The following DPF3 variants were observed in gnomAD, a reference collection of about 807,000 sequenced individuals.
DPF3 encodes the protein zinc finger protein DPF3.
A neutral mutation model predicts 56.8 loss-of-function variants in DPF3; 18 were observed. That is an observed-to-expected ratio of 0.32 (90% CI 0.22 to 0.47). The LOEUF (loss-of-function observed/expected upper bound fraction) is 0.47, where lower values mean the gene tolerates loss of function less well. Ranked by LOEUF, DPF3 falls within the 20% of genes least tolerant of loss-of-function variation. The pLI, the probability that DPF3 is intolerant of heterozygous loss-of-function variation, is 1.00. For missense variants in DPF3, 403 were observed against 488.8 expected, an observed-to-expected ratio of 0.82 and a Z score of 1.65; for synonymous variants, 188 against 180.2, an observed-to-expected ratio of 1.04 and a Z score of -0.35.
At chr14:72,745,510 A>G (rs1021197463) in intron 3 of DPF3, among the ~76,000 whole-genome samples, 6 of 152,344 alleles carry the variant, frequency 3.9e-5, no homozygotes, top group African/African-American at 1.4e-4. Flanking sequence ...CATTTATAGA[A>G]TAAGTTCCTA....
intron 8 of DPF3, among the ~76,000 whole-genome samples, chr14:72,633,621 A>G (rs569887729): frequency 6.6e-6 from 1 of 152,294 alleles, no homozygotes; most frequent in African/African-American, 2.4e-5. Flanking sequence ...TCCTTGCTCA[A>G]TAAAGACCCC....
At chr14:72,872,470 T>C (rs1349544593) in intron 1 of DPF3, among the ~76,000 whole-genome samples, 1 of 152,244 alleles carries the variant, frequency 6.6e-6, no homozygotes, top group Non-Finnish European at 1.5e-5. Flanking sequence ...TAAAACTGAA[T>C]GCCTTTAACA....
At chr14:72,886,318 G>C (rs1456706488) in intron 1 of DPF3, among the ~76,000 whole-genome samples, 1 of 152,152 alleles carries the variant, frequency 6.6e-6, no homozygotes. Flanking sequence ...GTTGCAGTGA[G>C]CCAAGATCGC....
chr14:72,680,169 C>T (rs1887099209), intron 7 of DPF3, among the ~76,000 whole-genome samples: 1 of 152,170 alleles, frequency 6.6e-6, no homozygotes, highest in Admixed American at 6.5e-5. Context: ...GCATCAAAGC[C>T]GGGATAAATG....
intron 1 of DPF3, among the ~76,000 whole-genome samples, chr14:72,780,406 A>G (rs1292080015): frequency 2.0e-5 from 3 of 152,238 alleles, no homozygotes; most frequent in Non-Finnish European, 2.9e-5. Context: ...ACAGGAACTG[A>G]GAGCTATGTG....
chr14:72,711,448 G>A (rs1888648449), intron 6 of DPF3, among the ~76,000 whole-genome samples: 1 of 152,158 alleles, frequency 6.6e-6, no homozygotes, highest in South Asian at 2.1e-4. Context: ...GAGAGGCATC[G>A]ACACCGAGGC....
Position 72,612,671 on chromosome 14 carries a change from C to T in DPF3, c.*6626G>A. The T allele has an allele frequency of 2.0e-6, 1 of 505,720 alleles. No homozygotes were observed. Among genetic ancestry groups the T allele is most frequent in the African/African-American group, 1.9e-5 (1 of 51,738 alleles). The allele number at this position is 505,720 out of a possible 1,614,324, so 31.3% of individuals were successfully genotyped here. A position where few individuals can be genotyped will look rare whatever the true frequency, so the allele number is the denominator to read the frequency against. On this transcript the variant is annotated 3_prime_UTR_variant, in exon 11 of 11. Transcript: ENST00000556509. ...GAAGGGCAAACCAAGTCCGTATAAA[C>T]CACAAACCCCATTCTAGCCATAAAA...
intron 1 of DPF3, among the ~76,000 whole-genome samples, chr14:72,882,332 G>A (rs1178778989): frequency 6.6e-6 from 1 of 152,088 alleles, no homozygotes; most frequent in African/African-American, 2.4e-5. Context: ...TAGTTTTTGT[G>A]TGTAAAATGA....
At chr14:72,623,897 A>G (rs562449787) in intron 9 of DPF3, among the ~76,000 whole-genome samples, 2 of 152,304 alleles carry the variant, frequency 1.3e-5, no homozygotes, top group East Asian at 3.9e-4. Flanking sequence ...TCTGGAGCAT[A>G]AAATGTATAA....
chr14:72,784,060 C>T (rs1892106781), intron 1 of DPF3, among the ~76,000 whole-genome samples: 1 of 152,166 alleles, frequency 6.6e-6, no homozygotes, highest in African/African-American at 2.4e-5. Flanking sequence ...CCTGCAGAAG[C>T]AAATGTCCTG....
At chr14:72,809,802 GACCACCCCTT>G (rs1314968395) in intron 1 of DPF3, among the ~76,000 whole-genome samples, 117 of 152,302 alleles carry the variant, frequency 7.7e-4, no homozygotes, top group Admixed American at 2.7e-3. Context: ...AACGGCCACT[GACCACCCCTT>G]GAGCGCCCTG....
At chr14:72,748,603 C>T (rs562121510) in intron 3 of DPF3, among the ~76,000 whole-genome samples, 18 of 152,332 alleles carry the variant, frequency 1.2e-4, no homozygotes, top group African/African-American at 3.6e-4. Flanking sequence ...AGGGTCTTCA[C>T]GGCAGCCCCT....
intron 8 of DPF3, chr14:72,661,154 G>A: frequency 2.0e-6 from 2 of 985,388 alleles, no homozygotes; most frequent in Non-Finnish European, 2.4e-6. Context: ...TCACTTGTGG[G>A]AGTTGGTTGG....
chr14:72,781,028 T>C (rs1891948098), intron 1 of DPF3, among the ~76,000 whole-genome samples: 1 of 152,134 alleles, frequency 6.6e-6, no homozygotes, highest in African/African-American at 2.4e-5. Flanking sequence ...CTGAGAAATT[T>C]GAGACTAGCT....
At chr14:72,795,928 A>G (rs1313103369) in intron 1 of DPF3, among the ~76,000 whole-genome samples, 1 of 152,140 alleles carries the variant, frequency 6.6e-6, no homozygotes, top group African/African-American at 2.4e-5. Flanking sequence ...TTTATTTTCA[A>G]TTGTGTTGTG....
chr14:72,729,906 C>T (rs1889568082), intron 4 of DPF3, among the ~76,000 whole-genome samples: 1 of 152,088 alleles, frequency 6.6e-6, no homozygotes, highest in Non-Finnish European at 1.5e-5. Flanking sequence ...AGTGAACCGT[C>T]ATGCAGACTT....
At chr14:72,698,393 C>T (rs1888003749) in intron 6 of DPF3, among the ~76,000 whole-genome samples, 1 of 152,166 alleles carries the variant, frequency 6.6e-6, no homozygotes, top group Admixed American at 6.5e-5. Context: ...TCAAAGTAGG[C>T]TAGGGCTGGG....
At chr14:72,720,818 T>A (rs1197848241) in intron 5 of DPF3, among the ~76,000 whole-genome samples, 1 of 152,168 alleles carries the variant, frequency 6.6e-6, no homozygotes, top group Non-Finnish European at 1.5e-5. Context: ...ATGAAAGAAG[T>A]TCTGACCAAT....
intron 1 of DPF3, among the ~76,000 whole-genome samples, chr14:72,875,692 A>C (rs1287862152): frequency 6.6e-6 from 1 of 152,204 alleles, no homozygotes; most frequent in Non-Finnish European, 1.5e-5. Flanking sequence ...CAAAGCTTAC[A>C]AAGTATGCAA....
Sources: gnomAD v4.1 joint callset for allele counts (sites outside exome capture counted in the v4.1 genomes callset) on GRCh38, gnomAD v4.1.1 for gene constraint, MANE v1.5 for transcripts, NCBI Gene and HGNC (gene_info 2026-07-23, HGNC 2026-07-21) for gene names.